GRAMD1B: variants seen among roughly 807,000 people sequenced by gnomAD.
The protein encoded by GRAMD1B is GRAM domain containing 1B, also known as protein Aster-B.
In GRAMD1B, 37 loss-of-function variants were observed where a neutral mutation model predicts 99.7. The observed-to-expected ratio is 0.37, with a 90% CI of 0.29 to 0.49. GRAMD1B has a LOEUF of 0.49. GRAMD1B is among the 20% of genes least tolerant of loss of function. The pLI, the probability that GRAMD1B is intolerant of heterozygous loss-of-function variation, is 0.98. For synonymous variants in GRAMD1B, 427 were observed against 387.6 expected (o/e 1.10, Z -1.19); for missense variants, 888 against 1,009.2 (o/e 0.88, Z 1.63).
chr11:123,614,018 C>T (rs1345501077), intron 16 of GRAMD1B, among the ~76,000 whole-genome samples: 2 of 152,172 alleles, frequency 1.3e-5, no homozygotes, highest in African/African-American at 4.8e-5. Flanking sequence ...CCTCATTACA[C>T]AAAGATCAGG....
At chr11:123,567,298 A>G (rs1399122623) in intron 2 of GRAMD1B, among the ~76,000 whole-genome samples, 1 of 152,202 alleles carries the variant, frequency 6.6e-6, no homozygotes, top group African/African-American at 2.4e-5. Context: ...TGGTCATTAA[A>G]TCCTTCTCTT....
intron 1 of GRAMD1B, among the ~76,000 whole-genome samples, chr11:123,462,781 G>A (rs1280038127): frequency 6.7e-6 from 1 of 149,806 alleles, no homozygotes; most frequent in Non-Finnish European, 1.5e-5. Flanking sequence ...GAAAACCAGA[G>A]ACCTTTGTTC....
intron 2 of GRAMD1B, among the ~76,000 whole-genome samples, chr11:123,566,194 C>A (rs148086578): frequency 6.6e-6 from 1 of 152,110 alleles, no homozygotes; most frequent in Non-Finnish European, 1.5e-5. Context: ...AGGTTGTGAT[C>A]GTGCAACAGA....
intron 8 of GRAMD1B, among the ~76,000 whole-genome samples, chr11:123,601,515 ATGTGTG>A (rs4063751): frequency 0.068 from 10,057 of 148,878 alleles, 393 homozygotes; most frequent in African/African-American, 0.1. Flanking sequence ...ATTAATTTTT[ATGTGTG>A]TGTGTGTGTG....
rs1955329329 is a variant in GRAMD1B at position 123,623,464 on chromosome 11, CT to C, written c.*873del. 1.3e-5 allele frequency: 2 copies of C among 152,242 alleles called. No homozygotes were observed. Among genetic ancestry groups the C allele is most frequent in the South Asian group, 4.1e-4 (2 of 4,828 alleles). The allele number at this position is 152,242 out of a possible 1,614,324, so 9.4% of individuals were successfully genotyped here. On this transcript the variant is annotated 3_prime_UTR_variant, in exon 20 of 20. Coordinates refer to ENST00000635736, the MANE Select transcript of GRAMD1B (RefSeq NM_001387025.1). ...GAGCGTTTTCGACCTTATTAAACCT[CT>C]TTTAGTGCTTCTAAGCAAGTCAGGT... is the stretch of plus-strand genomic sequence containing the variant.
At chr11:123,452,158 C>T (rs908011903) in intron 1 of GRAMD1B, among the ~76,000 whole-genome samples, 18 of 152,096 alleles carry the variant, frequency 1.2e-4, no homozygotes, top group Middle Eastern at 3.2e-3. Context: ...TTTGACCATC[C>T]GTTAGGCAGT....
At chr11:123,572,280 A>C (rs1177645725) in intron 2 of GRAMD1B, among the ~76,000 whole-genome samples, 4 of 152,216 alleles carry the variant, frequency 2.6e-5, no homozygotes, top group Admixed American at 2.6e-4. Flanking sequence ...CAGCATATGT[A>C]AGGTCTTTTT....
At chr11:123,555,753 A>C in intron 2 of GRAMD1B, among the ~76,000 whole-genome samples, 1 of 151,888 alleles carries the variant, frequency 6.6e-6, no homozygotes, top group East Asian at 1.9e-4. Flanking sequence ...TTTTTTTTTA[A>C]AACGGAGTTT....
chr11:123,514,115 G>T (rs1941438464), intron 2 of GRAMD1B, among the ~76,000 whole-genome samples: 1 of 152,156 alleles, frequency 6.6e-6, no homozygotes, highest in Admixed American at 6.5e-5. Context: ...AGTTGTTCAT[G>T]GGTCCTCGGG....
chr11:123,591,266 G>A lies in GRAMD1B; in HGVS notation c.685-2816G>A, dbSNP rs78621321. 7.5e-3 allele frequency: 2,990 copies of A among 396,824 alleles called. 35 individuals are homozygous for A. The highest frequency in any genetic ancestry group is 0.033 in the African/African-American group (1,590 of 48,720). The allele number at this position is 396,824 out of a possible 1,614,324, so 24.6% of individuals were successfully genotyped here. On this transcript the variant is annotated intron_variant, in intron 4 of 19. Transcript: ENST00000635736. The surrounding 1 kb of genome is among the most constrained non-coding windows in gnomAD (Gnocchi z 4.7). ...CCTGTCAGAGTCACACAGGCCCTCT[G>A]CTGAGAAACCAGAGGCCACCCATCC...
intron 1 of GRAMD1B, among the ~76,000 whole-genome samples, chr11:123,408,160 C>T (rs1243916117): frequency 6.6e-6 from 1 of 152,214 alleles, no homozygotes; most frequent in East Asian, 1.9e-4. Context: ...GTCACTGTCC[C>T]ACTGTGTAAA....
At chr11:123,372,942 C>T (rs2135742018) in intron 1 of GRAMD1B, among the ~76,000 whole-genome samples, 1 of 152,150 alleles carries the variant, frequency 6.6e-6, no homozygotes, top group Admixed American at 6.5e-5. Flanking sequence ...GAGATCAAGA[C>T]CAACCTGGCC....
intron 1 of GRAMD1B, chr11:123,454,976 C>T (rs1230357813): frequency 1.3e-5 from 2 of 152,136 alleles, no homozygotes; most frequent in African/African-American, 4.8e-5. Context: ...TAAAGAAATG[C>T]TTTAACTTGT....
At chr11:123,458,935 C>CT (rs1491085442) in intron 1 of GRAMD1B, 2 of 145,316 alleles carry the variant, frequency 1.4e-5, no homozygotes, top group Non-Finnish European at 2.9e-5. Context: ...CCCCCCAACT[C>CT]TGAGTCTGAG....
chr11:123,467,633 A>G (rs1218473884), intron 1 of GRAMD1B, among the ~76,000 whole-genome samples: 1 of 152,074 alleles, frequency 6.6e-6, no homozygotes, highest in Non-Finnish European at 1.5e-5. Flanking sequence ...AGGTCCACAT[A>G]TGTCTAATTC....
intron 17 of GRAMD1B, among the ~76,000 whole-genome samples, chr11:123,617,335 C>T (rs930262224): frequency 1.3e-5 from 2 of 152,032 alleles, no homozygotes; most frequent in South Asian, 4.1e-4. Context: ...AGGTGCATGT[C>T]ACCACACCTG....
intron 2 of GRAMD1B, among the ~76,000 whole-genome samples, chr11:123,528,972 G>C (rs1943081637): frequency 6.6e-6 from 1 of 152,182 alleles, no homozygotes; most frequent in Admixed American, 6.5e-5. Flanking sequence ...TGTCAGTCAG[G>C]CCTTCTTTCC....
intron 2 of GRAMD1B, among the ~76,000 whole-genome samples, chr11:123,533,208 T>C (rs748597351): frequency 1.9e-4 from 29 of 151,968 alleles, no homozygotes; most frequent in Non-Finnish European, 2.4e-4. Flanking sequence ...CGAACTCAGG[T>C]GATCTGCCCG....
chr11:123,438,945 C>T (rs1949285330), intron 1 of GRAMD1B, among the ~76,000 whole-genome samples: 1 of 152,192 alleles, frequency 6.6e-6, no homozygotes, highest in African/African-American at 2.4e-5. Context: ...CCAAGGCTGG[C>T]CCGGAGAGCC....
Sources: allele counts gnomAD v4.1 joint callset (sites outside exome capture counted in the v4.1 genomes callset), GRCh38; gene constraint gnomAD v4.1.1; non-coding constraint Gnocchi (gnomAD v3.1); transcripts MANE v1.5; gene names NCBI Gene and HGNC (gene_info 2026-07-23, HGNC 2026-07-21).